Variants in RORC observed in about 807,000 individuals in gnomAD.
RORC encodes nuclear receptor ROR-gamma.
RORC carries 13 observed loss-of-function variants against 64.5 expected under a neutral mutation model. The ratio of observed to expected loss-of-function variants is 0.20; its 90% CI spans 0.13 to 0.32. The LOEUF (loss-of-function observed/expected upper bound fraction) is 0.32, where lower values mean the gene tolerates loss of function less well. RORC is among the 10% of genes least tolerant of loss of function. RORC has a pLI of 1.00. For synonymous variants in RORC, 277 were observed against 259.3 expected, an observed-to-expected ratio of 1.07 and a Z score of -0.65; for missense variants, 468 against 669.5, an observed-to-expected ratio of 0.70 and a Z score of 3.32.
In RORC at chr1:151,807,355, G is replaced by C. The variant is rs1397290583; in HGVS notation, c.*117C>G. ...GCCGCAGCATCTGCTCACTTCCAAAGAGCTGGTGGGGACCACCCTCCAGGG... is the reference window on the plus strand; with the variant it reads ...GCCGCAGCATCTGCTCACTTCCAAACAGCTGGTGGGGACCACCCTCCAGGG... On this transcript the variant is annotated 3_prime_UTR_variant, in exon 11 of 11. Coordinates refer to ENST00000318247, the MANE Select transcript of RORC (RefSeq NM_005060.4). This position sits in a 1 kb window ranked among gnomAD's most constrained non-coding sequence, Gnocchi z 5.0. The C allele has an allele frequency of 1.9e-6, 2 of 1,038,548 alleles. No individual in the cohort carries two copies. The highest frequency in any genetic ancestry group is 3.2e-5 in the African/African-American group (2 of 62,156). The allele number at this position is 1,038,548 out of a possible 1,614,324, so 64.3% of individuals were successfully genotyped here.
chr1:151,818,160 G>A (rs1055448239), intron 2 of RORC, among the ~76,000 whole-genome samples: 2 of 152,200 alleles, frequency 1.3e-5, no homozygotes, highest in African/African-American at 2.4e-5. Context: ...TTGCCTGAGA[G>A]CTGGATCTAC....
chr1:151,827,800 C>T (rs1048348376), intron 2 of RORC, among the ~76,000 whole-genome samples: 4 of 152,082 alleles, frequency 2.6e-5, no homozygotes, highest in Non-Finnish European at 5.9e-5. Flanking sequence ...GGTGGGGACA[C>T]GAGGACTGGT....
intron 6 of RORC, 135 bp downstream of exon 6, chr1:151,814,439 G>T: frequency 1.2e-6 from 1 of 833,616 alleles, no homozygotes; most frequent in Non-Finnish European, 1.9e-6. Flanking sequence ...TAAAAGGTGT[G>T]CACATGCTTG....
In RORC at chr1:151,813,709, G is replaced by A; in HGVS notation, c.934-89C>T. 24 of 1,463,860 alleles carry A rather than the reference G, an allele frequency of 1.6e-5. 1 individual carries two copies. In the South Asian group the frequency reaches 3.0e-4, roughly 18 times the overall value. 90.7% of individuals were successfully genotyped at this position (1,463,860 alleles called of 1,614,324 possible). ...TGGAGCCCCACCTAATAAACTGCAAGGGGTAGGCTCTGAACTCCTATGTTC... is the reference window on the plus strand; with the variant it reads ...TGGAGCCCCACCTAATAAACTGCAAAGGGTAGGCTCTGAACTCCTATGTTC... On this transcript the variant is annotated intron_variant, in intron 6 of 10. Transcript: ENST00000318247.
intron 2 of RORC, chr1:151,825,904 G>T: frequency 6.2e-7 from 1 of 1,613,098 alleles, no homozygotes; most frequent in Non-Finnish European, 8.5e-7. Context: ...AGGCTCCCCC[G>T]CCCCCAGGTG....
In RORC at chr1:151,806,374, G is replaced by A. The variant is rs1290145816; in HGVS notation, c.*1098C>T. The A allele has an allele frequency of 6.5e-6, 1 of 153,606 alleles. No individual in the cohort carries two copies. The highest frequency in any genetic ancestry group is 1.5e-5 in the Non-Finnish European group (1 of 68,100). 9.5% of individuals were successfully genotyped at this position (153,606 alleles called of 1,614,324 possible). A position where few individuals can be genotyped will look rare whatever the true frequency, so the allele number is the denominator to read the frequency against. Reference sequence around the variant, plus strand: ...ATCTGCTTCCTTCTCCACAACAAGAGCAGGGCTGGCGGGCAGGCCAGGAAA... The same window carrying A: ...ATCTGCTTCCTTCTCCACAACAAGAACAGGGCTGGCGGGCAGGCCAGGAAA... On this transcript the variant is annotated 3_prime_UTR_variant, in exon 11 of 11. Coordinates refer to ENST00000318247, the MANE Select transcript of RORC (RefSeq NM_005060.4).
Position 151,813,067 on chromosome 1 carries a change from T to A in RORC, c.1175-10A>T. On this transcript the variant is annotated splice_polypyrimidine_tract_variant and intron_variant, in intron 8 of 10. Coordinates refer to ENST00000318247, the MANE Select transcript of RORC (RefSeq NM_005060.4). ...ATGAGCTCGCTGCAGCCTGATGGAG[T>A]GGAAATGAGAAAAGTGAGAGAGTGG... 1 of 1,601,100 alleles carries A rather than the reference T, an allele frequency of 6.2e-7. No homozygotes were observed. The highest frequency in any genetic ancestry group is 1.3e-5 in the African/African-American group (1 of 74,574).
intron 4 of RORC, among the ~76,000 whole-genome samples, chr1:151,815,655 C>T (rs1056115171): frequency 6.6e-6 from 1 of 152,222 alleles, no homozygotes; most frequent in Non-Finnish European, 1.5e-5. Context: ...TAAGCAAAAT[C>T]TTCTAAGTTC....
intron 9 of RORC, chr1:151,812,599 G>T: frequency 5.0e-6 from 1 of 200,528 alleles, no homozygotes; most frequent in Admixed American, 5.3e-5. Context: ...GACCCAGGCA[G>T]CAATAGTTTT....
In RORC at chr1:151,831,727, C is replaced by T. The variant is rs201691098; in HGVS notation, c.38G>A (p.Arg13Gln). 98 of 1,611,002 alleles carry T rather than the reference C, an allele frequency of 6.1e-5. No individual in the cohort carries two copies. The highest frequency in any genetic ancestry group is 5.5e-4 in the Admixed American group (33 of 60,016). Residue 13 changes from arginine (R) to glutamine (Q), a missense_variant and splice_region_variant, in exon 1 of 11, where the codon CGG becomes CAG. Physicochemically the swap from Arg to Gln is conservative, Grantham distance 43. Transcript: ENST00000318247. ...AGGCAGGGCCATGGGCCTCTTACCCCGTGAGGCTCGGTGCTGTCTCTGTGG... is the reference window on the plus strand; with the variant it reads ...AGGCAGGGCCATGGGCCTCTTACCCTGTGAGGCTCGGTGCTGTCTCTGTGG... ...RAPQRQHRAS[R>Q]ELLAAKKTHT... is the part of the protein sequence containing the mutation.
chr1:151,816,399 A>C lies in RORC; in HGVS notation c.298+265T>G, dbSNP rs16833561. 8.1e-3 allele frequency among the ~76,000 whole-genome samples: 1,237 copies of C among 152,344 alleles called. 19 individuals are homozygous for C. Among genetic ancestry groups the C allele is most frequent in the African/African-American group, 0.026 (1,086 of 41,580 alleles). On this transcript the variant is annotated intron_variant, in intron 4 of 10. Transcript: ENST00000318247. ...CAGCAGAGTGAGGAGAATTCGTTCC[A>C]AGTAAGAAGAGATGAAGAGGTATGG...
intron 4 of RORC, 48 bp from the exon 5 acceptor site, chr1:151,815,473 C>A: frequency 6.6e-7 from 1 of 1,509,610 alleles, no homozygotes; most frequent in Non-Finnish European, 8.9e-7. Context: ...GAGAACATGG[C>A]ACAGGGCAGG....
chr1:151,828,298 C>A (rs574144926), intron 2 of RORC, among the ~76,000 whole-genome samples: 2 of 152,266 alleles, frequency 1.3e-5, no homozygotes, highest in East Asian at 3.9e-4. Flanking sequence ...CCACTCCTAC[C>A]CTGGAGGGAT....
At chr1:151,816,969 T>C (rs1651781459) in intron 3 of RORC, among the ~76,000 whole-genome samples, 164 bp from the exon 4 acceptor site, 1 of 152,210 alleles carries the variant, frequency 6.6e-6, no homozygotes, top group Non-Finnish European at 1.5e-5. Flanking sequence ...CCTGTAGTCA[T>C]TTCCCCAGCT....
intron 2 of RORC, among the ~76,000 whole-genome samples, chr1:151,821,463 T>C (rs1208626524): frequency 6.6e-6 from 1 of 152,216 alleles, no homozygotes. Flanking sequence ...AGGATAATGA[T>C]AGACATAAGC....
In RORC at chr1:151,811,326, T is replaced by C. The variant is rs761762343; in HGVS notation, c.1394A>G (p.Lys465Arg). 1 of 1,608,726 alleles carries C rather than the reference T, an allele frequency of 6.2e-7. No homozygotes were observed. The highest frequency in any genetic ancestry group is 1.1e-5 in the South Asian group (1 of 90,888). The change falls in exon 10 of 11, where the codon AAG becomes AGG. Residue 465 changes from lysine to arginine, a missense_variant and splice_region_variant. This residue lies in a region of RORC where 93 missense variants were observed against 116.6 expected (regional missense o/e 0.80). Coordinates refer to ENST00000318247, the MANE Select transcript of RORC (RefSeq NM_005060.4). Reference protein sequence around the residue: ...CKTHRQSILAKLPPKGKLRSL... With the variant: ...CKTHRQSILARLPPKGKLRSL... ...TTCTACCCCAGGGACTGCTCCTACC[T>C]TTGCCAGGATGCTTTGGCGATGAGT...
intron 3 of RORC, 49 bp from the exon 4 acceptor site, chr1:151,816,854 G>T: frequency 6.8e-7 from 1 of 1,463,864 alleles, no homozygotes. Flanking sequence ...GTCAGGCCCA[G>T]CTCACTCACA....
rs1173637696 is a variant in RORC, at chr1:151,830,803, C to A, written c.40+922G>T. Reference sequence around the variant, plus strand: ...CCCGAGGTGGCAAGGCCCCACCCAGCCCCGCCCACCTCCCCTTGCTCCTGC... The same window carrying A: ...CCCGAGGTGGCAAGGCCCCACCCAGACCCGCCCACCTCCCCTTGCTCCTGC... On this transcript the variant is annotated intron_variant, in intron 1 of 10. Coordinates refer to ENST00000318247, the MANE Select transcript of RORC (RefSeq NM_005060.4). This position sits in a 1 kb window ranked among gnomAD's most constrained non-coding sequence, Gnocchi z 4.0. The A allele has an allele frequency of 5.0e-6, 2 of 402,016 alleles. No individual in the cohort carries two copies. Among genetic ancestry groups the A allele is most frequent in the South Asian group, 2.2e-5 (1 of 44,764 alleles). The allele number at this position is 402,016 out of a possible 1,614,324, so 24.9% of individuals were successfully genotyped here. A position where few individuals can be genotyped will look rare whatever the true frequency, so the allele number is the denominator to read the frequency against.
At chr1:151,817,126 G>GTGTGTGTT in intron 3 of RORC, 69 bp downstream of exon 3, 1 of 957,060 alleles carries the variant, frequency 1.0e-6, no homozygotes. Flanking sequence ...GTGTGTGTGT[G>GTGTGTGTT]TGTGTGCGCG....
Sources: allele counts gnomAD v4.1 joint callset (sites outside exome capture counted in the v4.1 genomes callset), GRCh38; gene constraint gnomAD v4.1.1; regional missense constraint gnomAD v4.1.1; non-coding constraint Gnocchi (gnomAD v3.1); transcripts MANE v1.5; gene names NCBI Gene and HGNC (gene_info 2026-07-23, HGNC 2026-07-21).